HECTD4: variants seen among roughly 807,000 people sequenced by gnomAD.
HECTD4 encodes the protein probable E3 ubiquitin-protein ligase HECTD4.
HECTD4 carries 114 observed loss-of-function variants against 471.5 expected under a neutral mutation model. The observed-to-expected ratio is 0.24, with a 90% confidence interval of 0.21 to 0.28. The LOEUF (loss-of-function observed/expected upper bound fraction) is 0.28, where lower values mean the gene tolerates loss of function less well. HECTD4 is among the 10% of genes least tolerant of loss of function. The pLI is 1.00. For missense variants in HECTD4, 3,866 were observed against 5,651.5 expected (o/e 0.68, Z 10.13); for synonymous variants, 2,012 against 2,256.0 (o/e 0.89, Z 3.07).
chr12:112,284,264 T>G (rs1047986854), intron 7 of HECTD4, among the ~76,000 whole-genome samples: 1 of 152,208 alleles, frequency 6.6e-6, no homozygotes, highest in Non-Finnish European at 1.5e-5. Context: ...AAAACCTTGG[T>G]GGCCCATTAA....
intron 1 of HECTD4, among the ~76,000 whole-genome samples, chr12:112,367,532 G>A (rs1235615167): frequency 2.0e-5 from 3 of 151,788 alleles, no homozygotes; most frequent in African/African-American, 7.3e-5. Context: ...CTGAAAAAAT[G>A]CTTCCGGCAG....
At chr12:112,275,328 AT>A (rs1489862838) in intron 9 of HECTD4, among the ~76,000 whole-genome samples, 1 of 152,224 alleles carries the variant, frequency 6.6e-6, no homozygotes, top group Non-Finnish European at 1.5e-5. Flanking sequence ...TCAGTGTTCA[AT>A]AAAGCTTGGT....
intron 1 of HECTD4, among the ~76,000 whole-genome samples, chr12:112,347,516 A>C (rs1350382959): frequency 6.6e-6 from 1 of 152,192 alleles, no homozygotes; most frequent in Non-Finnish European, 1.5e-5. Flanking sequence ...TCTCAAAAAC[A>C]CAAAAAAGAA....
At chr12:112,206,402 G>T (rs1441841459) in intron 52 of HECTD4, among the ~76,000 whole-genome samples, 1 of 152,118 alleles carries the variant, frequency 6.6e-6, no homozygotes, top group African/African-American at 2.4e-5. Flanking sequence ...AGCTGAAGCA[G>T]GAGGATCTCT....
chr12:112,180,665 A>C (rs7979255), intron 62 of HECTD4, among the ~76,000 whole-genome samples: 32,277 of 152,094 alleles, frequency 0.21, 5,534 homozygotes, highest in East Asian at 0.85. Flanking sequence ...TGTAAAAGAA[A>C]CAGGAACTAG....
chr12:112,265,320 C>A, intron 15 of HECTD4, 25 bp from the exon 16 acceptor site: 5 of 1,432,620 alleles, frequency 3.5e-6, no homozygotes, highest in Admixed American at 2.0e-5. Context: ...AAAAATGTAA[C>A]AATAAAATAT....
At chr12:112,299,864 A>G (rs1025201842) in intron 7 of HECTD4, among the ~76,000 whole-genome samples, 2 of 152,118 alleles carry the variant, frequency 1.3e-5, no homozygotes, top group Non-Finnish European at 2.9e-5. Flanking sequence ...TAATTGTTCT[A>G]TTTCCTCCAA....
At chr12:112,247,604 C>T (rs2033790419) in intron 27 of HECTD4, 54 bp from the exon 28 acceptor site, 2 of 794,396 alleles carry the variant, frequency 2.5e-6, no homozygotes. Flanking sequence ...TTTTACTATA[C>T]ATATATTAAA....
chr12:112,342,678 T>C (rs796301812), intron 1 of HECTD4, among the ~76,000 whole-genome samples: 5 of 152,288 alleles, frequency 3.3e-5, no homozygotes, highest in African/African-American at 1.2e-4. Flanking sequence ...TCTAGAACAC[T>C]GAAAAAAACT....
intron 67 of HECTD4, among the ~76,000 whole-genome samples, chr12:112,172,346 C>A (rs1566059724): frequency 6.6e-6 from 1 of 152,274 alleles, no homozygotes. Flanking sequence ...ATGCTTCTCA[C>A]TCCCCATGGC....
At chr12:112,298,313 A>C (rs534916155) in intron 7 of HECTD4, among the ~76,000 whole-genome samples, 2 of 152,238 alleles carry the variant, frequency 1.3e-5, no homozygotes, top group African/African-American at 2.4e-5. Flanking sequence ...ACACAGAAGA[A>C]AGACAATTGC....
intron 1 of HECTD4, among the ~76,000 whole-genome samples, chr12:112,342,322 T>G (rs749769485): frequency 6.6e-6 from 1 of 152,136 alleles, no homozygotes; most frequent in Non-Finnish European, 1.5e-5. Flanking sequence ...CCAGTTGTGA[T>G]AGTGCATGCC....
In HECTD4 at chr12:112,184,991, C is replaced by T. The variant is rs367866576; in HGVS notation, c.9975G>A (p.Ser3325=). 11 of 1,611,886 alleles carry T rather than the reference C, an allele frequency of 6.8e-6. No homozygotes were observed. Among genetic ancestry groups the T allele is most frequent in the South Asian group, 6.6e-5 (6 of 90,786 alleles). Residue 3325 remains serine (S), a synonymous_variant, in exon 61 of 76, where the codon TCG becomes TCA. Transcript: ENST00000682272. This position sits in a 1 kb window ranked among gnomAD's most constrained non-coding sequence, Gnocchi z 9.1. ...CGGTGCGGGAAGACTGGCGCTTGCC[C>T]GACGAGGAGGCCTTTTCCCGCTTCA... is the stretch of plus-strand genomic sequence containing the variant. ...VKMKREKASS[S]GKRQSSRTVD...
intron 1 of HECTD4, among the ~76,000 whole-genome samples, chr12:112,324,021 CCTTCCTTCCTTCCTTCCTTCCTTCCTTT>C (rs2035667758): frequency 9.0e-5 from 3 of 33,240 alleles, no homozygotes; most frequent in African/African-American, 3.4e-4. Flanking sequence ...TTCCTTCCTT[CCTTCCTTCCTTCCTTCCTTCCTTCCTTT>C]CTTTCTTTCT....
At chr12:112,220,517 C>T (rs1031251644) in intron 44 of HECTD4, among the ~76,000 whole-genome samples, 3 of 152,090 alleles carry the variant, frequency 2.0e-5, no homozygotes, top group Non-Finnish European at 4.4e-5. Context: ...CTTAAGAAAG[C>T]CAGGTGCGGT....
chr12:112,183,178 T>A lies in HECTD4; in HGVS notation c.10868A>T (p.Asp3623Val), dbSNP rs1300295757. The part of the protein sequence containing the change: ...LIGLSSLDGE[D>V]ELMEMSTEEI... The stretch of plus-strand genomic sequence containing the variant: ...TTCTGTTGACATTTCCATCAATTCA[T>A]CTTCACCATCCAAACTTGACAAACC... The change falls in exon 62 of 76, where the codon GAT (aspartate) becomes GTT (valine). Residue 3623 changes from aspartate to valine, a missense_variant. Around this residue, in one of 16 missense-constraint regions of HECTD4, gnomAD observed 715 missense variants for 1,087.6 expected, o/e 0.66. Coordinates refer to ENST00000682272, the MANE Select transcript of HECTD4 (RefSeq NM_001388303.1). The A allele has an allele frequency of 6.2e-7, 1 of 1,613,856 alleles. No homozygotes were observed. The highest frequency in any genetic ancestry group is 1.7e-5 in the Admixed American group (1 of 60,018).
chr12:112,359,887 A>G (rs2036418552), intron 1 of HECTD4, among the ~76,000 whole-genome samples: 1 of 152,208 alleles, frequency 6.6e-6, no homozygotes, highest in African/African-American at 2.4e-5. Flanking sequence ...CTTACTCTAC[A>G]TTTTAACAAA....
At chr12:112,241,525 G>A (rs1027391616) in intron 32 of HECTD4, among the ~76,000 whole-genome samples, 4 of 152,138 alleles carry the variant, frequency 2.6e-5, no homozygotes, top group Non-Finnish European at 4.4e-5. Flanking sequence ...AGGGTGGTGC[G>A]ATCACAGCTT....
rs573919904 is a variant in HECTD4 at position 112,264,581 on chromosome 12, A to G, written c.2620-369T>C. The stretch of plus-strand genomic sequence containing the variant: ...ATAAAACACTCATGGTTTAGAAAAC[A>G]ATGTAAAATTAAAAATTAATAGGGA... On this transcript the variant is annotated intron_variant, in intron 16 of 75. Transcript: ENST00000682272. Among the ~76,000 whole-genome samples the G allele has an allele frequency of 9.2e-5, 14 of 152,340 alleles. No individual in the cohort carries two copies. In the South Asian group the frequency reaches 2.9e-3, roughly 32 times the overall value.
Sources: allele counts gnomAD v4.1 joint callset (sites outside exome capture counted in the v4.1 genomes callset), GRCh38; gene constraint gnomAD v4.1.1; regional missense constraint gnomAD v4.1.1; non-coding constraint Gnocchi (gnomAD v3.1); transcripts MANE v1.5; gene names NCBI Gene and HGNC (gene_info 2026-07-23, HGNC 2026-07-21).